The following SIRPA variants were observed in gnomAD, a reference collection of about 807,000 sequenced individuals.
SIRPA encodes signal regulatory protein alpha.
Under a neutral mutation model 50.3 loss-of-function variants are expected in SIRPA, and 9 were observed. The ratio of observed to expected loss-of-function variants is 0.18; its 90% CI spans 0.11 to 0.31. SIRPA has a LOEUF of 0.31. SIRPA is among the 10% of genes least tolerant of loss of function. The pLI is 1.00. For missense variants in SIRPA, 474 were observed against 661.6 expected, an observed-to-expected ratio of 0.72 and a Z score of 3.11; for synonymous variants, 265 against 284.1, an observed-to-expected ratio of 0.93 and a Z score of 0.68.
In SIRPA at chr20:1,915,653, G is replaced by T. The variant is rs181608600; in HGVS notation, c.436+198G>T. ...GCTGAAGGCTCCACAGCTGGTAAAG[G>T]GTGGGAACATCTGCATCCTTCATCT... On this transcript the variant is annotated intron_variant, in intron 2 of 7. Coordinates refer to ENST00000358771, the MANE Select transcript of SIRPA (RefSeq NM_001040023.2). Among the ~76,000 whole-genome samples, 629 of 152,342 alleles carry T rather than the reference G, an allele frequency of 4.1e-3. 1 individual carries two copies. The highest frequency in any genetic ancestry group is 6.6e-3 in the Non-Finnish European group (449 of 68,032).
In SIRPA at chr20:1,895,441, G is replaced by A. The variant is rs1288781757; in HGVS notation, c.-7G>A. On this transcript the variant is annotated 5_prime_UTR_variant, in exon 1 of 8. Transcript: ENST00000358771. Reference sequence around the variant, plus strand: ...CGCTCTCCCTCCTCGCTCCGCAGCCGCGGCCCATGGAGCCCGCCGGCCCGG... The same window carrying A: ...CGCTCTCCCTCCTCGCTCCGCAGCCACGGCCCATGGAGCCCGCCGGCCCGG... 1.4e-6 allele frequency: 2 copies of A among 1,400,910 alleles called. No individual in the cohort carries two copies. The highest frequency in any genetic ancestry group is 1.8e-6 in the Non-Finnish European group (2 of 1,085,550). The allele number at this position is 1,400,910 out of a possible 1,614,324, so 86.8% of individuals were successfully genotyped here.
In SIRPA at chr20:1,937,822, C is replaced by G. The variant is rs1326630036; in HGVS notation, c.*254C>G. On this transcript the variant is annotated 3_prime_UTR_variant, in exon 8 of 8. Coordinates refer to ENST00000358771, the MANE Select transcript of SIRPA (RefSeq NM_001040023.2). The surrounding 1 kb of genome is among the most constrained non-coding windows in gnomAD (Gnocchi z 8.3). ...TTGCCAAACCAGCCAGGGAACCAAC[C>G]TGGGAAGTGGCCAGAACTGCCTGGG... is the stretch of plus-strand genomic sequence containing the variant. 1.9e-4 allele frequency: 105 copies of G among 547,158 alleles called. No homozygotes were observed. Among genetic ancestry groups the G allele is most frequent in the South Asian group, 1.6e-3 (65 of 41,386 alleles). The allele number at this position is 547,158 out of a possible 1,614,324, so 33.9% of individuals were successfully genotyped here.
At chr20:1,895,562 C>G (rs1409093766) in intron 1 of SIRPA, 36 bp downstream of exon 1, 8 of 1,377,718 alleles carry the variant, frequency 5.8e-6, no homozygotes, top group East Asian at 3.0e-5. Flanking sequence ...CTGCACTCCC[C>G]AAACTGCGGG....
chr20:1,894,975 C>T (rs1328818933), upstream of SIRPA, among the ~76,000 whole-genome samples: 5 of 146,858 alleles, frequency 3.4e-5, no homozygotes, highest in East Asian at 1.0e-3. This position sits in a 1 kb window ranked among gnomAD's most constrained non-coding sequence, Gnocchi z 4.0. Flanking sequence ...AGGTGGGCAG[C>T]GGCGGGGGCG....
chr20:1,926,359 C>A (rs1413790838), intron 5 of SIRPA, among the ~76,000 whole-genome samples: 1 of 152,284 alleles, frequency 6.6e-6, no homozygotes, highest in African/African-American at 2.4e-5. Flanking sequence ...ATGAAGCATT[C>A]ATAGCAGCCG....
At chr20:1,895,356 G>C (rs932684716), upstream of SIRPA, 29 of 753,452 alleles carry the variant, frequency 3.8e-5, no homozygotes, top group South Asian at 8.8e-5. Context: ...GGGGGGAAGG[G>C]GGGGAGCCTT....
chr20:1,914,151 C>T (rs1389773606), intron 1 of SIRPA, among the ~76,000 whole-genome samples: 1 of 152,226 alleles, frequency 6.6e-6, no homozygotes, highest in African/African-American at 2.4e-5. Flanking sequence ...CCTCAGGGCC[C>T]ATCTCAGGGC....
chr20:1,928,757 G>A lies in SIRPA; in HGVS notation c.1226+858G>A, dbSNP rs1312594622. Among the ~76,000 whole-genome samples the A allele has an allele frequency of 6.6e-6, 1 of 152,156 alleles. No homozygotes were observed. The highest frequency in any genetic ancestry group is 2.4e-5 in the African/African-American group (1 of 41,428). On this transcript the variant is annotated intron_variant, in intron 6 of 7. Coordinates refer to ENST00000358771, the MANE Select transcript of SIRPA (RefSeq NM_001040023.2). This position sits in a 1 kb window ranked among gnomAD's most constrained non-coding sequence, Gnocchi z 4.9. ...GGGCCAGAGAGGAGGCCTGTGTGCT[G>A]GGCCAGAGGGAAGGAGAGGAAGAAG...
In SIRPA at chr20:1,937,042, G is replaced by C. The variant is rs1201979607; in HGVS notation, c.1267-278G>C. ...GGTGGTTCAGGCTAGGAGGAGGCAG[G>C]AACGGGAGGAGGTGACACTGAGGCG... On this transcript the variant is annotated intron_variant, in intron 7 of 7. Coordinates refer to ENST00000358771, the MANE Select transcript of SIRPA (RefSeq NM_001040023.2). This position sits in a 1 kb window ranked among gnomAD's most constrained non-coding sequence, Gnocchi z 8.3. Among the ~76,000 whole-genome samples, 21 of 152,160 alleles carry C rather than the reference G, an allele frequency of 1.4e-4. No homozygotes were observed. The highest frequency in any genetic ancestry group is 8.8e-5 in the Non-Finnish European group (6 of 68,034).
In SIRPA at chr20:1,934,227, C is replaced by A. The variant is rs1299294645; in HGVS notation, c.1227-488C>A. On this transcript the variant is annotated intron_variant, in intron 6 of 7. Transcript: ENST00000358771. The surrounding 1 kb of genome is among the most constrained non-coding windows in gnomAD (Gnocchi z 4.6). ...CCTAACCAGTCCCAATTGGCAGAGC[C>A]CTAAGACATAAACCTCCTCCCCCAT... Among the ~76,000 whole-genome samples, 1 of 152,148 alleles carries A rather than the reference C, an allele frequency of 6.6e-6. No homozygotes were observed. Among genetic ancestry groups the A allele is most frequent in the Non-Finnish European group, 1.5e-5 (1 of 68,026 alleles).
chr20:1,922,729 CT>C, intron 4 of SIRPA, 84 bp downstream of exon 4: 1 of 1,408,056 alleles, frequency 7.1e-7, no homozygotes, highest in Non-Finnish European at 9.6e-7. Context: ...GTAATTCATG[CT>C]TATTATAGAA....
intron 1 of SIRPA, among the ~76,000 whole-genome samples, chr20:1,912,406 C>A (rs1984944918): frequency 6.6e-6 from 1 of 152,238 alleles, no homozygotes; most frequent in Admixed American, 6.5e-5. Context: ...CCACCTAACA[C>A]ATGAAGAGAG....
chr20:1,901,138 TTG>T, intron 1 of SIRPA, among the ~76,000 whole-genome samples: 1 of 151,784 alleles, frequency 6.6e-6, no homozygotes, highest in Admixed American at 6.6e-5. Flanking sequence ...ATTTTTGTTT[TTG>T]TTTTTTCTTC....
At chr20:1,907,141 A>G (rs1430643173) in intron 1 of SIRPA, among the ~76,000 whole-genome samples, 1 of 152,106 alleles carries the variant, frequency 6.6e-6, no homozygotes, top group Non-Finnish European at 1.5e-5. Flanking sequence ...CCTTCCCTGC[A>G]GGGATGTGGC....
Position 1,939,716 on chromosome 20 carries a change from T to G in SIRPA, c.*2148T>G, listed in dbSNP as rs1409207826. On this transcript the variant is annotated 3_prime_UTR_variant, in exon 8 of 8. Coordinates refer to ENST00000358771, the MANE Select transcript of SIRPA (RefSeq NM_001040023.2). The surrounding 1 kb of genome is among the most constrained non-coding windows in gnomAD (Gnocchi z 4.7). ...TGGCAACCTGGAGAATCCACATACC[T>G]TGTGTATTGAACCCCAGGAAAAGGA... is the stretch of plus-strand genomic sequence containing the variant. 1 of 152,662 alleles carries G rather than the reference T, an allele frequency of 6.6e-6. No individual in the cohort carries two copies. Among genetic ancestry groups the G allele is most frequent in the Non-Finnish European group, 1.5e-5 (1 of 68,050 alleles). 9.5% of individuals were successfully genotyped at this position (152,662 alleles called of 1,614,324 possible).
intron 6 of SIRPA, among the ~76,000 whole-genome samples, chr20:1,929,031 C>A (rs568185101): frequency 1.4e-4 from 22 of 152,212 alleles, no homozygotes; most frequent in African/African-American, 5.1e-4. Flanking sequence ...TTGGTTCACA[C>A]CAGGTTTTGC....
intron 6 of SIRPA, among the ~76,000 whole-genome samples, chr20:1,930,070 A>C: frequency 6.6e-6 from 1 of 151,690 alleles, no homozygotes; most frequent in East Asian, 1.9e-4. Context: ...CTGCTCATGC[A>C]CTACCCAGGG....
At chr20:1,900,382 C>G (rs945933969) in intron 1 of SIRPA, among the ~76,000 whole-genome samples, 4 of 152,178 alleles carry the variant, frequency 2.6e-5, no homozygotes, top group African/African-American at 9.7e-5. Context: ...AGCCACCGCA[C>G]CACCCAGCTG....
intron 2 of SIRPA, among the ~76,000 whole-genome samples, chr20:1,919,221 A>G (rs1235908885): frequency 6.6e-6 from 1 of 152,260 alleles, no homozygotes; most frequent in African/African-American, 2.4e-5. Flanking sequence ...AAACATTGAA[A>G]TAAATCCCAG....
Sources: gnomAD v4.1 joint callset for allele counts (sites outside exome capture counted in the v4.1 genomes callset) on GRCh38, gnomAD v4.1.1 for gene constraint, Gnocchi (gnomAD v3.1) non-coding constraint, MANE v1.5 for transcripts, NCBI Gene and HGNC (gene_info 2026-07-23, HGNC 2026-07-21) for gene names.